The following SPTLC3 variants were observed in gnomAD, a reference collection of about 807,000 sequenced individuals.
SPTLC3 encodes the protein serine palmitoyltransferase 3.
In SPTLC3, 36 loss-of-function variants were observed where a neutral mutation model predicts 59.3. The observed-to-expected ratio is 0.61, with a 90% confidence interval of 0.47 to 0.80. The LOEUF is 0.80. Ranked by LOEUF, SPTLC3 falls within the 30% of genes least tolerant of loss-of-function variation. SPTLC3 has a pLI of 0.00. For synonymous variants in SPTLC3, 257 were observed against 240.8 expected (o/e 1.07, Z -0.62); for missense variants, 625 against 685.1 (o/e 0.91, Z 0.98).
At chr20:13,144,630 A>G (rs1464499639) in intron 9 of SPTLC3, among the ~76,000 whole-genome samples, 1 of 152,246 alleles carries the variant, frequency 6.6e-6, no homozygotes, top group Non-Finnish European at 1.5e-5. Flanking sequence ...CAAACACTAT[A>G]TAATTTGTTA....
chr20:13,112,791 A>C (rs1376476003), intron 7 of SPTLC3, among the ~76,000 whole-genome samples: 1 of 152,204 alleles, frequency 6.6e-6, no homozygotes, highest in Non-Finnish European at 1.5e-5. Context: ...CAATTTCCTC[A>C]TCTGTAAAAT....
chr20:13,159,156 T>C (rs2038839251), intron 10 of SPTLC3, among the ~76,000 whole-genome samples: 1 of 152,200 alleles, frequency 6.6e-6, no homozygotes, highest in Non-Finnish European at 1.5e-5. Context: ...GTTACAGAGA[T>C]TAGCTCTGGA....
intron 1 of SPTLC3, among the ~76,000 whole-genome samples, chr20:13,045,444 T>C (rs555996742): frequency 6.6e-6 from 1 of 152,294 alleles, no homozygotes; most frequent in South Asian, 2.1e-4. Flanking sequence ...ATTTTATATT[T>C]CAAAATAACT....
intron 1 of SPTLC3, among the ~76,000 whole-genome samples, chr20:13,032,283 T>C: frequency 6.6e-6 from 1 of 152,200 alleles, no homozygotes; most frequent in East Asian, 1.9e-4. Context: ...AAAGCTGAAG[T>C]AAGTCCAATT....
intron 7 of SPTLC3, among the ~76,000 whole-genome samples, chr20:13,114,252 G>C (rs1187756375): frequency 6.6e-6 from 1 of 152,180 alleles, no homozygotes; most frequent in Non-Finnish European, 1.5e-5. Flanking sequence ...ATGATTTGGG[G>C]TTTAAAACTA....
At chr20:13,034,698 C>T (rs1172725782) in intron 1 of SPTLC3, among the ~76,000 whole-genome samples, 2 of 152,020 alleles carry the variant, frequency 1.3e-5, no homozygotes, top group African/African-American at 2.4e-5. Context: ...ACTTTACCAT[C>T]ACACATAAAA....
At chr20:13,107,659 C>G (rs185731387) in intron 6 of SPTLC3, among the ~76,000 whole-genome samples, 1 of 152,264 alleles carries the variant, frequency 6.6e-6, no homozygotes, top group East Asian at 1.9e-4. Flanking sequence ...TCTTCCAATT[C>G]TTCTTTCACG....
At chr20:13,021,022 G>A (rs1985853730) in intron 1 of SPTLC3, among the ~76,000 whole-genome samples, 1 of 152,158 alleles carries the variant, frequency 6.6e-6, no homozygotes, top group South Asian at 2.1e-4. Context: ...TATAGTAGAT[G>A]TTCAATAAAT....
chr20:13,069,203 T>A (rs1027199510), intron 2 of SPTLC3, among the ~76,000 whole-genome samples: 1 of 152,084 alleles, frequency 6.6e-6, no homozygotes, highest in Non-Finnish European at 1.5e-5. Flanking sequence ...CACTGGTGTT[T>A]TGGAGGGAAG....
chr20:13,035,025 C>T (rs1274505526), intron 1 of SPTLC3, among the ~76,000 whole-genome samples: 1 of 152,102 alleles, frequency 6.6e-6, no homozygotes, highest in Non-Finnish European at 1.5e-5. Flanking sequence ...GCAGTCAAAC[C>T]TTTGATCAAT....
In SPTLC3 at chr20:13,074,538, C is replaced by A. The variant is rs750550106; in HGVS notation, c.607+41C>A. ...GTTTTGAAACTTTTTGCTGTTAGGTCTCAGATTCCTTGTGTCTGTCTCTCA... is the reference window on the plus strand; with the variant it reads ...GTTTTGAAACTTTTTGCTGTTAGGTATCAGATTCCTTGTGTCTGTCTCTCA... On this transcript the variant is annotated intron_variant, in intron 4 of 11. Transcript: ENST00000399002. 29 of 1,574,238 alleles carry A rather than the reference C, an allele frequency of 1.8e-5. No individual in the cohort carries two copies. The African/African-American group carries it at 3.4e-4, about 18-fold the overall frequency.
In SPTLC3 at chr20:13,167,558, C is replaced by T; in HGVS notation, c.*2691C>T. 6.6e-6 allele frequency: 1 copy of T among 152,106 alleles called. No individual in the cohort carries two copies. The highest frequency in any genetic ancestry group is 1.5e-5 in the Non-Finnish European group (1 of 68,020). 9.4% of individuals were successfully genotyped at this position (152,106 alleles called of 1,614,324 possible). Reference sequence around the variant, plus strand: ...AATGGAAGATGTTCTTGAAAATGACCTCAGGAAAGCAGAAGATAAAGGTTC... The same window carrying T: ...AATGGAAGATGTTCTTGAAAATGACTTCAGGAAAGCAGAAGATAAAGGTTC... On this transcript the variant is annotated 3_prime_UTR_variant, in exon 12 of 12. Coordinates refer to ENST00000399002, the MANE Select transcript of SPTLC3 (RefSeq NM_018327.4).
intron 1 of SPTLC3, among the ~76,000 whole-genome samples, chr20:13,021,550 C>CG (rs397698705): frequency 2.1e-5 from 3 of 144,710 alleles, no homozygotes; most frequent in South Asian, 2.3e-4. Context: ...ACAGCCCCCC[C>CG]ACCAATCCCC....
At chr20:13,164,459 C>A in intron 11 of SPTLC3, 1 of 516,608 alleles carries the variant, frequency 1.9e-6, no homozygotes, top group Middle Eastern at 3.1e-4. Flanking sequence ...AAAATAAAAC[C>A]TTTTAAGGGT....
chr20:13,159,875 A>T, intron 10 of SPTLC3, 128 bp from the exon 11 acceptor site: 1 of 1,270,498 alleles, frequency 7.9e-7, no homozygotes, highest in Non-Finnish European at 1.1e-6. Flanking sequence ...ATCATCTTCC[A>T]CTTATTATCA....
At chr20:13,107,260 A>G (rs1042803530) in intron 6 of SPTLC3, among the ~76,000 whole-genome samples, 1 of 152,202 alleles carries the variant, frequency 6.6e-6, no homozygotes, top group Non-Finnish European at 1.5e-5. Flanking sequence ...TTCATCCTGA[A>G]GGTTGAGAAC....
At chr20:13,133,462 G>A (rs1054238805) in intron 9 of SPTLC3, among the ~76,000 whole-genome samples, 8 of 152,166 alleles carry the variant, frequency 5.3e-5, no homozygotes, top group African/African-American at 1.9e-4. Flanking sequence ...GGTCGGGCAT[G>A]GTGGCTCACA....
At chr20:13,053,147 C>T (rs1051268391) in intron 2 of SPTLC3, among the ~76,000 whole-genome samples, 2 of 152,090 alleles carry the variant, frequency 1.3e-5, no homozygotes, top group Non-Finnish European at 2.9e-5. Context: ...AGGAGAGCTC[C>T]GGCTGGCATC....
chr20:13,152,277 T>G (rs1194175402), intron 9 of SPTLC3, among the ~76,000 whole-genome samples: 1 of 152,216 alleles, frequency 6.6e-6, no homozygotes, highest in Admixed American at 6.5e-5. Flanking sequence ...CAAGAGCTTA[T>G]AACAGTGGTG....
Sources: allele counts gnomAD v4.1 joint callset (sites outside exome capture counted in the v4.1 genomes callset), GRCh38; gene constraint gnomAD v4.1.1; transcripts MANE v1.5; gene names NCBI Gene and HGNC (gene_info 2026-07-23, HGNC 2026-07-21).